The following FHIP2A variants were observed in gnomAD, a reference collection of about 807,000 sequenced individuals.
The protein encoded by FHIP2A is family with sequence similarity 160 member B1.
A neutral mutation model predicts 93.5 loss-of-function variants in FHIP2A; 46 were observed. The observed-to-expected ratio is 0.49, with a 90% CI of 0.39 to 0.63. The LOEUF (loss-of-function observed/expected upper bound fraction) is 0.63, where lower values mean the gene tolerates loss of function less well. FHIP2A is among the 20% of genes least tolerant of loss of function. FHIP2A has a pLI of 0.00. For missense variants in FHIP2A, 769 were observed against 909.7 expected (o/e 0.85, Z 1.99); for synonymous variants, 332 against 326.5 (o/e 1.02, Z -0.18).
At chr10:114,887,418 A>T (rs2083948479) in intron 16 of FHIP2A, among the ~76,000 whole-genome samples, 1 of 152,210 alleles carries the variant, frequency 6.6e-6, no homozygotes, top group African/African-American at 2.4e-5. Flanking sequence ...ATGTATATTC[A>T]ATCACTGAAT....
intron 16 of FHIP2A, among the ~76,000 whole-genome samples, chr10:114,878,944 A>C (rs2083903539): frequency 6.6e-6 from 1 of 152,216 alleles, no homozygotes; most frequent in South Asian, 2.1e-4. Context: ...AAAGGAGCTA[A>C]GAATCCAAAT....
intron 13 of FHIP2A, among the ~76,000 whole-genome samples, chr10:114,851,236 G>C (rs181487211): frequency 8.7e-4 from 132 of 152,224 alleles, no homozygotes; most frequent in Non-Finnish European, 1.6e-3. Flanking sequence ...TTTTGATAAA[G>C]TGCAACTTAA....
chr10:114,884,803 A>G (rs1171140455), intron 16 of FHIP2A, among the ~76,000 whole-genome samples: 4 of 151,758 alleles, frequency 2.6e-5, no homozygotes, highest in South Asian at 2.1e-4. Context: ...TGTCCCAGGT[A>G]CTTGGGAGGC....
At chr10:114,872,264 C>T (rs1006961790) in intron 16 of FHIP2A, among the ~76,000 whole-genome samples, 2 of 152,102 alleles carry the variant, frequency 1.3e-5, no homozygotes, top group African/African-American at 4.8e-5. Context: ...GCAGAGAGGC[C>T]TTGGGTTCAA....
At chr10:114,828,061 T>G (rs2083587526) in intron 1 of FHIP2A, among the ~76,000 whole-genome samples, 1 of 152,152 alleles carries the variant, frequency 6.6e-6, no homozygotes, top group Non-Finnish European at 1.5e-5. Flanking sequence ...AAACAGGTAA[T>G]TTGCATGTTA....
chr10:114,851,687 A>G (rs2143012150), intron 13 of FHIP2A, among the ~76,000 whole-genome samples: 1 of 125,790 alleles, frequency 7.9e-6, no homozygotes, highest in East Asian at 2.4e-4. Flanking sequence ...TTCCATATGA[A>G]TTTTAGGATT....
chr10:114,830,864 C>T lies in FHIP2A; in HGVS notation c.58C>T (p.Leu20Phe). The change falls in exon 2 of 17, where the codon CTT (leucine) becomes TTT (phenylalanine). Residue 20 changes from leucine (L) to phenylalanine (F), a missense_variant. Physicochemically the swap from Leu to Phe is conservative, Grantham distance 22 (BLOSUM62 0). Coordinates refer to ENST00000369248, the MANE Select transcript of FHIP2A (RefSeq NM_020940.4). ...QHAVEALAPS[L>F]PLQEDFVYHW... ...TTTGTTTGTGTAGCTTGCACCTTCT[C>T]TTCCTTTACAAGAAGATTTTGTTTA... 1 of 1,608,234 alleles carries T rather than the reference C, an allele frequency of 6.2e-7. No individual in the cohort carries two copies. Among genetic ancestry groups the T allele is most frequent in the Non-Finnish European group, 8.5e-7 (1 of 1,177,220 alleles).
At chr10:114,881,099 T>C (rs1430132132) in intron 16 of FHIP2A, among the ~76,000 whole-genome samples, 1 of 152,222 alleles carries the variant, frequency 6.6e-6, no homozygotes, top group Admixed American at 6.5e-5. Context: ...ACAATCACTG[T>C]GCCTGAACTA....
chr10:114,858,692 T>A (rs73367377), intron 14 of FHIP2A, among the ~76,000 whole-genome samples: 3,404 of 152,020 alleles, frequency 0.022, 124 homozygotes, highest in African/African-American at 0.078. Context: ...ATGAGTTGAG[T>A]CTCAGAGAAG....
At chr10:114,888,098 C>G (rs1312430355) in intron 16 of FHIP2A, among the ~76,000 whole-genome samples, 1 of 152,192 alleles carries the variant, frequency 6.6e-6, no homozygotes, top group Non-Finnish European at 1.5e-5. Context: ...TGCTGGACGA[C>G]TCTGCTTCTA....
At chr10:114,827,096 C>T (rs1247129094) in intron 1 of FHIP2A, among the ~76,000 whole-genome samples, 1 of 152,194 alleles carries the variant, frequency 6.6e-6, no homozygotes, top group Non-Finnish European at 1.5e-5. Context: ...AATTATCCAT[C>T]TAGATACTTT....
chr10:114,840,228 AAAAT>A (rs1196746087), intron 5 of FHIP2A, among the ~76,000 whole-genome samples: 3 of 152,218 alleles, frequency 2.0e-5, no homozygotes, highest in African/African-American at 7.2e-5. Context: ...ATCTCTATAA[AAAAT>A]AAATAAATAC....
intron 16 of FHIP2A, among the ~76,000 whole-genome samples, chr10:114,870,069 A>G (rs1459984998): frequency 6.6e-6 from 1 of 152,208 alleles, no homozygotes; most frequent in Non-Finnish European, 1.5e-5. Context: ...TTTTAAGGCC[A>G]TTATTAAAAT....
At chr10:114,872,853 A>G (rs1201968898) in intron 16 of FHIP2A, among the ~76,000 whole-genome samples, 1 of 152,176 alleles carries the variant, frequency 6.6e-6, no homozygotes, top group Non-Finnish European at 1.5e-5. Context: ...ATCAACCTCC[A>G]AATCCCCATC....
At chr10:114,882,356 C>T (rs77403045) in intron 16 of FHIP2A, among the ~76,000 whole-genome samples, 4,391 of 152,304 alleles carry the variant, frequency 0.029, 74 homozygotes, top group Non-Finnish European at 0.045. Flanking sequence ...TTCTCCTACC[C>T]TCATCACAGT....
downstream of FHIP2A, among the ~76,000 whole-genome samples, chr10:114,869,037 T>C (rs950469004): frequency 2.0e-5 from 3 of 152,336 alleles, no homozygotes; most frequent in East Asian, 1.9e-4. Context: ...AAGGCTGTTA[T>C]TGCCTCAGGC....
chr10:114,899,342 G>A, intron 16 of FHIP2A: 1 of 552,640 alleles, frequency 1.8e-6, no homozygotes, highest in East Asian at 2.9e-5. Flanking sequence ...ACTTAAGCTA[G>A]TGTAAGCACA....
chr10:114,899,201 C>A (rs1377543982), intron 16 of FHIP2A, among the ~76,000 whole-genome samples: 1 of 152,152 alleles, frequency 6.6e-6, no homozygotes, highest in Non-Finnish European at 1.5e-5. Context: ...TATTTTAAGA[C>A]CCTACATTTA....
intron 13 of FHIP2A, among the ~76,000 whole-genome samples, chr10:114,854,248 T>A (rs2083753693): frequency 6.6e-6 from 1 of 151,748 alleles, no homozygotes; most frequent in Non-Finnish European, 1.5e-5. Context: ...ATCCCAGCAC[T>A]TTGGGAGGCC....
Sources: allele counts gnomAD v4.1 joint callset (sites outside exome capture counted in the v4.1 genomes callset), GRCh38; gene constraint gnomAD v4.1.1; transcripts MANE v1.5; gene names NCBI Gene and HGNC (gene_info 2026-07-23, HGNC 2026-07-21).